The following SND1 variants were observed in gnomAD, a reference collection of about 807,000 sequenced individuals.
SND1 encodes the protein staphylococcal nuclease and tudor domain containing 1.
In SND1, 38 loss-of-function variants were observed where a neutral mutation model predicts 121.7. That is an observed-to-expected ratio of 0.31 (90% CI 0.24 to 0.41). The LOEUF (loss-of-function observed/expected upper bound fraction) is 0.41. Among genes scored for constraint, SND1 ranks in the 10% least tolerant of loss-of-function variants. The pLI, the probability that SND1 is intolerant of heterozygous loss-of-function variation, is 1.00. For synonymous variants in SND1, 401 were observed against 447.4 expected (o/e 0.90, Z 1.31); for missense variants, 868 against 1,184.6 (o/e 0.73, Z 3.92).
chr7:127,705,027 C>T, intron 8 of SND1, 82 bp downstream of exon 8: 2 of 1,113,002 alleles, frequency 1.8e-6, no homozygotes, highest in Non-Finnish European at 1.4e-6. Flanking sequence ...TTGCTCACAC[C>T]CCTGTGTGTC....
At chr7:127,956,358 T>C (rs1179960204) in intron 15 of SND1, among the ~76,000 whole-genome samples, 1 of 152,240 alleles carries the variant, frequency 6.6e-6, no homozygotes, top group Non-Finnish European at 1.5e-5. Context: ...CTGTGGCAGA[T>C]ACATCTGGAT....
chr7:128,089,386 C>T, intron 21 of SND1, 103 bp from the exon 22 acceptor site: 1 of 1,152,600 alleles, frequency 8.7e-7, no homozygotes, highest in Non-Finnish European at 1.2e-6. Flanking sequence ...GAGAAAATTA[C>T]AGGCCCCTGC....
intron 4 of SND1, among the ~76,000 whole-genome samples, chr7:127,699,815 G>C (rs1374729299): frequency 6.6e-6 from 1 of 152,178 alleles, no homozygotes; most frequent in East Asian, 1.9e-4. Context: ...TGTCATAGCT[G>C]TAGGAAAGGC....
chr7:127,751,145 G>GGT (rs142927273), intron 10 of SND1, among the ~76,000 whole-genome samples: 4,395 of 150,174 alleles, frequency 0.029, 121 homozygotes, highest in African/African-American at 0.065. Context: ...TCCATGGTAG[G>GGT]GTGTGTGTGT....
chr7:127,864,686 T>A (rs1799435785), intron 12 of SND1, among the ~76,000 whole-genome samples: 1 of 152,206 alleles, frequency 6.6e-6, no homozygotes, highest in African/African-American at 2.4e-5. Flanking sequence ...TTGTCAAAGT[T>A]TTTAATATGA....
At chr7:128,083,686 C>T (rs774154105) in intron 18 of SND1, among the ~76,000 whole-genome samples, 5 of 152,202 alleles carry the variant, frequency 3.3e-5, no homozygotes, top group Non-Finnish European at 7.4e-5. Flanking sequence ...AGTGTAACAA[C>T]AGACATATGT....
chr7:127,855,755 A>G (rs1799262778), intron 12 of SND1, among the ~76,000 whole-genome samples: 2 of 152,088 alleles, frequency 1.3e-5, no homozygotes, highest in African/African-American at 2.4e-5. Flanking sequence ...TCTCTCTCAC[A>G]TGTCCAGCTA....
Position 127,945,611 on chromosome 7 carries a change from G to A in SND1, c.1669+16282G>A, listed in dbSNP as rs117381756. On this transcript the variant is annotated intron_variant, in intron 15 of 23. Coordinates refer to ENST00000354725, the MANE Select transcript of SND1 (RefSeq NM_014390.4). ...GAACCAAACTGGGTGTCTCTCAGGA[G>A]AACTGGATTAATTCCTAGATCTGCC... 3.5e-4 allele frequency among the ~76,000 whole-genome samples: 53 copies of A among 152,314 alleles called. 1 individual carries two copies. The East Asian group carries it at 8.9e-3, about 25-fold the overall frequency.
chr7:128,040,437 TAA>T (rs67595921), intron 16 of SND1, among the ~76,000 whole-genome samples: 8 of 32,898 alleles, frequency 2.4e-4, no homozygotes, highest in African/African-American at 4.8e-4. Flanking sequence ...GTCCTATCTT[TAA>T]AAAAAAAAAA....
chr7:127,853,771 T>G (rs543382035), intron 12 of SND1, among the ~76,000 whole-genome samples: 1 of 152,322 alleles, frequency 6.6e-6, no homozygotes, highest in African/African-American at 2.4e-5. Context: ...AGTTTTGTGG[T>G]AAATATATGA....
At chr7:127,730,953 G>A (rs1243394238) in intron 10 of SND1, among the ~76,000 whole-genome samples, 1 of 152,248 alleles carries the variant, frequency 6.6e-6, no homozygotes, top group Admixed American at 6.5e-5. Flanking sequence ...TCTTTTGTAA[G>A]GTGGGCCACA....
intron 14 of SND1, chr7:127,928,033 C>T (rs1390188525): frequency 2.0e-5 from 3 of 152,098 alleles, no homozygotes; most frequent in African/African-American, 7.2e-5. Flanking sequence ...TTTTGATGCT[C>T]ACTTACTCTA....
At chr7:127,926,221 C>G (rs1454986256) in intron 14 of SND1, among the ~76,000 whole-genome samples, 1 of 152,034 alleles carries the variant, frequency 6.6e-6, no homozygotes, top group African/African-American at 2.4e-5. Flanking sequence ...AAGGAACATG[C>G]CAAGCAAAAA....
At chr7:127,957,357 G>C (rs769273252) in intron 15 of SND1, among the ~76,000 whole-genome samples, 1 of 152,300 alleles carries the variant, frequency 6.6e-6, no homozygotes, top group Non-Finnish European at 1.5e-5. Context: ...GTACGCTATA[G>C]CCAGTTAGAT....
At chr7:127,822,587 A>G (rs1256825173) in intron 11 of SND1, among the ~76,000 whole-genome samples, 1 of 152,180 alleles carries the variant, frequency 6.6e-6, no homozygotes, top group Non-Finnish European at 1.5e-5. Flanking sequence ...TATTCTAAAA[A>G]TGTTTTTTGA....
At chr7:127,721,589 G>A (rs1796497237) in intron 10 of SND1, among the ~76,000 whole-genome samples, 189 bp downstream of exon 10, 2 of 152,164 alleles carry the variant, frequency 1.3e-5, no homozygotes, top group African/African-American at 4.8e-5. Flanking sequence ...GTGTCTTGTG[G>A]CCCACACCCA....
intron 10 of SND1, among the ~76,000 whole-genome samples, chr7:127,778,817 T>A (rs1797667850): frequency 6.6e-6 from 1 of 152,172 alleles, no homozygotes. Context: ...TCACTTTAGA[T>A]CCTTAACTAA....
At chr7:127,906,212 T>A (rs147109338) in intron 14 of SND1, among the ~76,000 whole-genome samples, 1 of 152,208 alleles carries the variant, frequency 6.6e-6, no homozygotes, top group Non-Finnish European at 1.5e-5. Context: ...TAAAGTGATA[T>A]GCACTTTTTG....
chr7:127,683,252 GT>G (rs1795758142), intron 1 of SND1, among the ~76,000 whole-genome samples: 1 of 152,158 alleles, frequency 6.6e-6, no homozygotes, highest in Non-Finnish European at 1.5e-5. Context: ...GTCTTGCTCT[GT>G]CACCCTGGCT....
Sources: gnomAD v4.1 joint callset for allele counts (sites outside exome capture counted in the v4.1 genomes callset) on GRCh38, gnomAD v4.1.1 for gene constraint, MANE v1.5 for transcripts, NCBI Gene and HGNC (gene_info 2026-07-23, HGNC 2026-07-21) for gene names.